IL4R: variants seen among roughly 807,000 people sequenced by gnomAD.
IL4R encodes the protein interleukin-4 receptor subunit alpha.
A neutral mutation model predicts 41.5 loss-of-function variants in IL4R; 17 were observed. The ratio of observed to expected loss-of-function variants is 0.41; its 90% CI spans 0.28 to 0.61. IL4R has a LOEUF of 0.61. Among genes scored for constraint, IL4R ranks in the 20% least tolerant of loss-of-function variants. The pLI is 0.31. For synonymous variants in IL4R, 402 were observed against 422.9 expected (o/e 0.95, Z 0.61); for missense variants, 974 against 1,043.1 (o/e 0.93, Z 0.91).
chr16:27,313,867 C>G (rs2084540984), upstream of IL4R: 2 of 967,478 alleles, frequency 2.1e-6, no homozygotes, highest in Non-Finnish European at 2.5e-6. Context: ...GCATGCAAAT[C>G]TGCCGGGCGC....
intron 2 of IL4R, among the ~76,000 whole-genome samples, chr16:27,332,695 AT>A (rs1032544674): frequency 6.6e-6 from 1 of 150,910 alleles, no homozygotes; most frequent in Admixed American, 6.6e-5. Flanking sequence ...CCAATTTTGT[AT>A]TTTTTTCTTC....
chr16:27,325,915 C>T (rs974971115), intron 1 of IL4R, among the ~76,000 whole-genome samples: 8 of 152,140 alleles, frequency 5.3e-5, no homozygotes, highest in East Asian at 3.8e-4. Context: ...CCCCACAGGC[C>T]GCCATCTTGG....
intron 10 of IL4R, among the ~76,000 whole-genome samples, chr16:27,361,808 ACG>A (rs2086298974): frequency 6.6e-6 from 1 of 151,392 alleles, no homozygotes; most frequent in Admixed American, 6.6e-5. Context: ...GATGTTTGAG[ACG>A]GCTTGGGCTC....
At chr16:27,341,139 T>A (rs1314345314) in intron 3 of IL4R, 6 of 690,522 alleles carry the variant, frequency 8.7e-6, no homozygotes, top group Non-Finnish European at 1.6e-5. Flanking sequence ...AGGTCTGGAG[T>A]GGAGGAGATG....
chr16:27,357,891 CG>C (rs1596535819), intron 8 of IL4R, among the ~76,000 whole-genome samples: 1 of 148,760 alleles, frequency 6.7e-6, no homozygotes, highest in African/African-American at 2.5e-5. Flanking sequence ...GCATTTCTTT[CG>C]TTTTTTTTTT....
chr16:27,342,935 T>C (rs2085490429), intron 4 of IL4R, among the ~76,000 whole-genome samples: 1 of 152,162 alleles, frequency 6.6e-6, no homozygotes, highest in Admixed American at 6.5e-5. Context: ...GCAAATAACG[T>C]CCCTGTATTA....
chr16:27,325,533 C>T (rs2084933130), intron 1 of IL4R, among the ~76,000 whole-genome samples: 1 of 151,266 alleles, frequency 6.6e-6, no homozygotes, highest in Non-Finnish European at 1.5e-5. Context: ...GAGATCCCAC[C>T]ATTGCACTCC....
intron 7 of IL4R, chr16:27,355,497 C>T (rs2086032059): frequency 2.8e-6 from 1 of 363,562 alleles, no homozygotes; most frequent in Non-Finnish European, 5.3e-6. Context: ...CTGTGTCACA[C>T]AGCAAGGAGC....
At chr16:27,343,533 TCTCCTGTCTCAGC>T (rs1479498662) in intron 4 of IL4R, among the ~76,000 whole-genome samples, 1 of 152,172 alleles carries the variant, frequency 6.6e-6, no homozygotes, top group Non-Finnish European at 1.5e-5. Context: ...TTCAAGCGAT[TCTCCTGTCTCAGC>T]CTCCCGAGTA....
At chr16:27,356,781 C>T (rs1488877569) in intron 8 of IL4R, among the ~76,000 whole-genome samples, 7 of 152,122 alleles carry the variant, frequency 4.6e-5, no homozygotes, top group Admixed American at 6.5e-5. Flanking sequence ...AGCTGGCGGC[C>T]GACAAGTTGC....
chr16:27,336,345 C>A (rs1272308552), intron 2 of IL4R, among the ~76,000 whole-genome samples: 1 of 152,018 alleles, frequency 6.6e-6, no homozygotes, highest in Non-Finnish European at 1.5e-5. Flanking sequence ...ATTGATTTTG[C>A]ACCATCATAA....
intron 10 of IL4R, among the ~76,000 whole-genome samples, chr16:27,361,999 A>G (rs907478348): frequency 6.6e-6 from 1 of 152,030 alleles, no homozygotes; most frequent in African/African-American, 2.4e-5. Flanking sequence ...ACTTTTTCTT[A>G]CTCAACAGAT....
intron 3 of IL4R, among the ~76,000 whole-genome samples, chr16:27,341,626 C>A (rs2141131310): frequency 6.6e-6 from 1 of 152,260 alleles, no homozygotes; most frequent in South Asian, 2.1e-4. Flanking sequence ...CTCCCATTGG[C>A]CAAACCCAAC....
intron 6 of IL4R, among the ~76,000 whole-genome samples, chr16:27,348,054 G>A (rs2141160838): frequency 6.6e-6 from 1 of 152,332 alleles, no homozygotes; most frequent in Non-Finnish European, 1.5e-5. Context: ...GCCCAGGCTG[G>A]GCCTGGTTGG....
chr16:27,327,467 G>C (rs753911736), intron 1 of IL4R, among the ~76,000 whole-genome samples: 1 of 152,152 alleles, frequency 6.6e-6, no homozygotes, highest in African/African-American at 2.4e-5. Flanking sequence ...GGTGGCGGGC[G>C]TGTTTTCCCA....
At position 27,363,468 on chromosome 16, in the gene IL4R, A is replaced by C; in HGVS notation, c.2116A>C (p.Ser706Arg). The change falls in exon 11 of 11, where the codon AGC (serine) becomes CGC (arginine). Residue 706 changes from serine (S) to arginine (R), a missense_variant. Ser to Arg is a moderately radical substitution (Grantham distance 110). This residue lies in a region of IL4R where 682 missense variants were observed against 704.3 expected (regional missense o/e 0.97). Coordinates refer to ENST00000395762, the MANE Select transcript of IL4R (RefSeq NM_000418.4). ...GCAGGCCACAGACCCCCTTGTGGACAGCCTGGGCAGTGGCATTGTCTACTC... is the reference window on the plus strand; with the variant it reads ...GCAGGCCACAGACCCCCTTGTGGACCGCCTGGGCAGTGGCATTGTCTACTC... ...QEQATDPLVD[S>R]LGSGIVYSAL... 1 of 1,614,068 alleles carries C rather than the reference A, an allele frequency of 6.2e-7. No individual in the cohort carries two copies. The highest frequency in any genetic ancestry group is 1.1e-5 in the South Asian group (1 of 91,064).
chr16:27,340,443 C>A (rs111526526), intron 3 of IL4R, among the ~76,000 whole-genome samples, 170 bp downstream of exon 3: 1 of 152,102 alleles, frequency 6.6e-6, no homozygotes, highest in Non-Finnish European at 1.5e-5. Flanking sequence ...GTGATGGGAG[C>A]CGGGTGCAGT....
At chr16:27,336,800 C>T (rs1406800191) in intron 2 of IL4R, among the ~76,000 whole-genome samples, 7 of 151,776 alleles carry the variant, frequency 4.6e-5, no homozygotes, top group Middle Eastern at 3.4e-3. Flanking sequence ...AGGTGGCAGC[C>T]GGGCTCAGTG....
At position 27,362,833 on chromosome 16, in the gene IL4R, A is replaced by T; in HGVS notation, c.1481A>T (p.Asn494Ile). 6.2e-7 allele frequency: 1 copy of T among 1,613,942 alleles called. No homozygotes were observed. Among genetic ancestry groups the T allele is most frequent in the Non-Finnish European group, 8.5e-7 (1 of 1,179,980 alleles). ...CTETPLVIAG[N>I]PAYRSFSNSL... is the part of the protein sequence containing the mutation. The stretch of plus-strand genomic sequence containing the variant: ...GAGACGCCCCTCGTCATCGCAGGCA[A>T]CCCTGCTTACCGCAGCTTCAGCAAC... The change falls in exon 11 of 11, where the codon AAC becomes ATC. Residue 494 changes from asparagine (N) to isoleucine (I), a missense_variant. By Grantham distance (149) the Asn-to-Ile change is moderately radical (BLOSUM62 -3). Coordinates refer to ENST00000395762, the MANE Select transcript of IL4R (RefSeq NM_000418.4).
Sources: allele counts gnomAD v4.1 joint callset (sites outside exome capture counted in the v4.1 genomes callset), GRCh38; gene constraint gnomAD v4.1.1; regional missense constraint gnomAD v4.1.1; transcripts MANE v1.5; gene names NCBI Gene and HGNC (gene_info 2026-07-23, HGNC 2026-07-21).